Variants in NDUFA9 observed in about 807,000 individuals in gnomAD.
The protein encoded by NDUFA9 is NADH:ubiquinone oxidoreductase subunit A9.
NDUFA9 carries 23 observed loss-of-function variants against 45.9 expected under a neutral mutation model. That is an observed-to-expected ratio of 0.50 (90% CI 0.36 to 0.71). The LOEUF is 0.71. Among genes scored for constraint, NDUFA9 ranks in the 30% least tolerant of loss-of-function variants. NDUFA9 has a pLI of 0.00. For missense variants in NDUFA9, 466 were observed against 488.2 expected (o/e 0.95, Z 0.43); for synonymous variants, 176 against 170.5 (o/e 1.03, Z -0.25).
chr12:4,685,177 C>A (rs773192442), intron 9 of NDUFA9, 82 bp from the exon 10 acceptor site: 2 of 1,240,440 alleles, frequency 1.6e-6, no homozygotes, highest in Non-Finnish European at 2.4e-6. Flanking sequence ...AGCGGTCTGT[C>A]TTCCTGCAGT....
intron 8 of NDUFA9, among the ~76,000 whole-genome samples, chr12:4,675,442 A>C (rs556281271): frequency 6.6e-6 from 1 of 152,290 alleles, no homozygotes; most frequent in African/African-American, 2.4e-5. Flanking sequence ...AAGAGAGAAG[A>C]ATCAAATAGA....
chr12:4,672,916 C>T (rs945969555), intron 8 of NDUFA9, among the ~76,000 whole-genome samples: 1 of 152,210 alleles, frequency 6.6e-6, no homozygotes, highest in Admixed American at 6.5e-5. Context: ...TGGATCCCTG[C>T]CCCCGTGTAT....
intron 6 of NDUFA9, among the ~76,000 whole-genome samples, chr12:4,663,360 TGC>T (rs1381849615): frequency 6.6e-6 from 1 of 151,736 alleles, no homozygotes; most frequent in Non-Finnish European, 1.5e-5. Flanking sequence ...TGGGCTAAAT[TGC>T]GCCCCCTCAT....
At chr12:4,662,916 G>A (rs752158978) in intron 6 of NDUFA9, among the ~76,000 whole-genome samples, 1 of 152,140 alleles carries the variant, frequency 6.6e-6, no homozygotes, top group Non-Finnish European at 1.5e-5. Context: ...GCAAATATTC[G>A]AATATCACAT....
intron 8 of NDUFA9, among the ~76,000 whole-genome samples, chr12:4,674,446 A>T (rs910636332): frequency 6.6e-6 from 1 of 152,206 alleles, no homozygotes; most frequent in African/African-American, 2.4e-5. Flanking sequence ...ACATGCAAAG[A>T]CACACATAGG....
chr12:4,656,679 T>C (rs1424805581), intron 3 of NDUFA9, among the ~76,000 whole-genome samples: 1 of 152,218 alleles, frequency 6.6e-6, no homozygotes, highest in Non-Finnish European at 1.5e-5. Context: ...AAAATTTGGT[T>C]TCCTTTTATT....
Position 4,693,489 on chromosome 12 carries a change from T to C in NDUFA9, c.*6381T>C, listed in dbSNP as rs1297543779. The C allele has an allele frequency of 2.6e-5, 4 of 152,160 alleles. No homozygotes were observed. In the South Asian group the frequency reaches 6.2e-4, roughly 24 times the overall value. 9.4% of individuals were successfully genotyped at this position (152,160 alleles called of 1,614,324 possible). A position where few individuals can be genotyped will look rare whatever the true frequency, so the allele number is the denominator to read the frequency against. On this transcript the variant is annotated 3_prime_UTR_variant, in exon 11 of 11. Transcript: ENST00000266544. ...TCCACCCCCAGTTTACCAGCAGTGG[T>C]TATCCTCTCTCCAAGACTGGGCCAG...
At chr12:4,677,628 T>C (rs765262381) in intron 8 of NDUFA9, among the ~76,000 whole-genome samples, 4 of 152,162 alleles carry the variant, frequency 2.6e-5, no homozygotes, top group Non-Finnish European at 5.9e-5. Flanking sequence ...TGGCAATCAT[T>C]AAAATGTCAG....
chr12:4,678,711 A>G (rs1014820147), intron 8 of NDUFA9, among the ~76,000 whole-genome samples: 1 of 152,190 alleles, frequency 6.6e-6, no homozygotes, highest in African/African-American at 2.4e-5. Context: ...CCATATCATT[A>G]GTCATTACAG....
intron 2 of NDUFA9, 60 bp from the exon 3 acceptor site, chr12:4,654,765 T>C: frequency 7.8e-7 from 1 of 1,279,270 alleles, no homozygotes; most frequent in Non-Finnish European, 1.1e-6. Flanking sequence ...CAAGTCACAA[T>C]TGTATAATAT....
chr12:4,674,255 A>G (rs1024629886), intron 8 of NDUFA9, among the ~76,000 whole-genome samples: 3 of 152,240 alleles, frequency 2.0e-5, no homozygotes. Context: ...AAGAAACTGC[A>G]TCAACTAACG....
At position 4,654,428 on chromosome 12, in the gene NDUFA9, A is replaced by G. The variant is rs1401493869; in HGVS notation, c.186A>G (p.Thr62=). The G allele has an allele frequency of 3.1e-6, 5 of 1,614,018 alleles. No individual in the cohort carries two copies. The highest frequency in any genetic ancestry group is 4.5e-5 in the East Asian group (2 of 44,890). Residue 62 remains threonine (T), a synonymous_variant, in exon 2 of 11, where the codon ACA becomes ACG. Transcript: ENST00000266544. ...TTGTGGCCACTGTGTTTGGAGCAAC[A>G]GGATTCCTGGGGCGATATGTTGTCA... ...SGIVATVFGA[T]GFLGRYVVNH...
chr12:4,676,608 A>G (rs1253422065), intron 8 of NDUFA9, among the ~76,000 whole-genome samples: 2 of 152,228 alleles, frequency 1.3e-5, no homozygotes, highest in Non-Finnish European at 2.9e-5. Flanking sequence ...GGACCTATTC[A>G]AGGAGAACTA....
chr12:4,661,366 G>A (rs868696441), intron 5 of NDUFA9, among the ~76,000 whole-genome samples: 32 of 152,272 alleles, frequency 2.1e-4, no homozygotes, highest in Middle Eastern at 3.4e-3. Context: ...TGTCTCATGG[G>A]AAAGTAAGTT....
At chr12:4,661,318 A>G (rs1330142119) in intron 5 of NDUFA9, among the ~76,000 whole-genome samples, 1 of 152,166 alleles carries the variant, frequency 6.6e-6, no homozygotes, top group Admixed American at 6.5e-5. Flanking sequence ...AAAGAAAGGG[A>G]TGTCTGAAAT....
chr12:4,682,301 G>GT lies in NDUFA9; in HGVS notation c.896+2dup. 3.7e-6 allele frequency: 6 copies of GT among 1,601,646 alleles called. No individual in the cohort carries two copies. Among genetic ancestry groups the GT allele is most frequent in the Non-Finnish European group, 5.1e-6 (6 of 1,169,292 alleles). On this transcript the variant is annotated splice_donor_variant, in intron 9 of 10. Coordinates refer to ENST00000266544, the MANE Select transcript of NDUFA9 (RefSeq NM_005002.5). LOFTEE classifies it high-confidence loss of function. ...TCCCCTTGCCGCTTTTTGCCTATCG[G>GT]TAAGTAGAGTGCTCCTTTTGTGTGA...
intron 8 of NDUFA9, among the ~76,000 whole-genome samples, chr12:4,677,722 G>A (rs1056833282): frequency 2.0e-5 from 3 of 152,208 alleles, no homozygotes; most frequent in East Asian, 3.8e-4. Context: ...GTGGAAGACA[G>A]TGTGGCAATT....
chr12:4,658,957 G>C (rs1309949205), intron 4 of NDUFA9, 79 bp from the exon 5 acceptor site: 10 of 1,402,988 alleles, frequency 7.1e-6, no homozygotes, highest in Non-Finnish European at 9.8e-6. Context: ...GTACTGTTAT[G>C]AAAACCATCT....
intron 8 of NDUFA9, among the ~76,000 whole-genome samples, chr12:4,671,075 C>G (rs1051540179): frequency 1.3e-5 from 2 of 152,150 alleles, no homozygotes; most frequent in Non-Finnish European, 2.9e-5. Flanking sequence ...AGATAGGTAT[C>G]TACACATTTC....
Sources: gnomAD v4.1 joint callset for allele counts (sites outside exome capture counted in the v4.1 genomes callset) on GRCh38, gnomAD v4.1.1 for gene constraint, MANE v1.5 for transcripts, NCBI Gene and HGNC (gene_info 2026-07-23, HGNC 2026-07-21) for gene names.